FBN1: variants seen among roughly 807,000 people sequenced by gnomAD.
The protein encoded by FBN1 is fibrillin-1.
A neutral mutation model predicts 365.1 loss-of-function variants in FBN1; 29 were observed. That is an observed-to-expected ratio of 0.08 (90% CI 0.06 to 0.11). FBN1 has a LOEUF of 0.11. FBN1 is among the 10% of genes least tolerant of loss of function. The pLI is 1.00. For missense variants in FBN1, 2,476 were observed against 3,703.2 expected, an observed-to-expected ratio of 0.67 and a Z score of 8.60; for synonymous variants, 1,210 against 1,270.5, an observed-to-expected ratio of 0.95 and a Z score of 1.01.
rs2043406174 is a variant in FBN1, at chr15:48,474,704, T to G, written c.3965-54A>C. The G allele has an allele frequency of 5.0e-6, 8 of 1,612,520 alleles. No homozygotes were observed. In the South Asian group the frequency reaches 8.8e-5, roughly 18 times the overall value. On this transcript the variant is annotated intron_variant, in intron 32 of 65. Coordinates refer to ENST00000316623, the MANE Select transcript of FBN1 (RefSeq NM_000138.5). ...AGGCTCAGCACAAATGTCTTTTGGT[T>G]TTTAAAATAAGTAATATTCAAAAGT...
intron 42 of FBN1, among the ~76,000 whole-genome samples, chr15:48,462,322 C>T (rs2043285490): frequency 6.7e-6 from 1 of 149,580 alleles, no homozygotes; most frequent in African/African-American, 2.5e-5. Context: ...ACACTAATGT[C>T]TTTATTTATT....
chr15:48,462,421 G>A (rs1283224837), intron 42 of FBN1, among the ~76,000 whole-genome samples: 1 of 151,694 alleles, frequency 6.6e-6, no homozygotes, highest in Non-Finnish European at 1.5e-5. Context: ...AATTTATCTC[G>A]ATCTCAATAT....
chr15:48,453,290 C>CA (rs748356141), intron 44 of FBN1, among the ~76,000 whole-genome samples: 6,258 of 32,702 alleles, frequency 0.19, 197 homozygotes, highest in Middle Eastern at 0.26. Flanking sequence ...AAAAATAAAA[C>CA]AAACAAAAAA....
At chr15:48,444,363 G>C (rs1038630607) in intron 49 of FBN1, among the ~76,000 whole-genome samples, 178 bp downstream of exon 49, 2 of 152,330 alleles carry the variant, frequency 1.3e-5, no homozygotes, top group Middle Eastern at 3.4e-3. Flanking sequence ...TTAGAGATTA[G>C]CATGATAATT....
At chr15:48,451,099 A>G (rs1485379629) in intron 45 of FBN1, among the ~76,000 whole-genome samples, 1 of 152,238 alleles carries the variant, frequency 6.6e-6, no homozygotes, top group Non-Finnish European at 1.5e-5. Flanking sequence ...ATAGTCTCCT[A>G]CAAGAAAACA....
intron 10 of FBN1, 132 bp downstream of exon 10, chr15:48,520,527 G>C (rs2043842903): frequency 4.8e-6 from 5 of 1,044,804 alleles, no homozygotes; most frequent in Non-Finnish European, 6.9e-6. Flanking sequence ...AATTTCCCTG[G>C]ACGTCATCTC....
chr15:48,470,562 C>G lies in FBN1; in HGVS notation c.4459+72G>C. The G allele has an allele frequency of 5.0e-6, 8 of 1,604,712 alleles. No homozygotes were observed. The South Asian group carries it at 8.8e-5, about 18-fold the overall frequency. On this transcript the variant is annotated intron_variant, in intron 36 of 65. Transcript: ENST00000316623. ...TCTTCTGTGACGGCCCTTGTGTAGT[C>G]CCAGGGAGGCTCCAATAGCTGGGTC...
In FBN1 at chr15:48,444,637, G is replaced by A; in HGVS notation, c.5941C>T (p.Pro1981Ser). ...CAGGTACCTGGTGCACATTTTCTGG[G>A]TTCTAGAAGACATTCATTGATATCT... is the stretch of plus-strand genomic sequence containing the variant. ...CVDINECLLE[P>S]RKCAPGTCQN... Residue 1981 changes from proline to serine, a missense_variant, in exon 49 of 66, where the codon CCC (proline) becomes TCC (serine). Coordinates refer to ENST00000316623, the MANE Select transcript of FBN1 (RefSeq NM_000138.5). The A allele has an allele frequency of 6.2e-7, 1 of 1,613,464 alleles. No individual in the cohort carries two copies. The highest frequency in any genetic ancestry group is 8.5e-7 in the Non-Finnish European group (1 of 1,179,622).
chr15:48,491,871 T>G (rs2043561943), intron 24 of FBN1, among the ~76,000 whole-genome samples: 1 of 152,196 alleles, frequency 6.6e-6, no homozygotes, highest in African/African-American at 2.4e-5. Context: ...CTTGCCACTA[T>G]CACGAGCCCA....
intron 2 of FBN1, 74 bp downstream of exon 2, chr15:48,644,532 G>A: frequency 1.2e-6 from 2 of 1,602,742 alleles, no homozygotes; most frequent in South Asian, 1.1e-5. Flanking sequence ...TCCACAGGGA[G>A]AGTCATCCTG....
At chr15:48,631,485 T>C (rs889027056) in intron 2 of FBN1, among the ~76,000 whole-genome samples, 16 of 152,298 alleles carry the variant, frequency 1.1e-4, no homozygotes, top group African/African-American at 3.4e-4. Flanking sequence ...TGTGTTGTGT[T>C]TGCCCATCCA....
At chr15:48,453,957 TA>T (rs1010621291) in intron 44 of FBN1, among the ~76,000 whole-genome samples, 1 of 151,960 alleles carries the variant, frequency 6.6e-6, no homozygotes. Flanking sequence ...TGCTCACATC[TA>T]AAAAAAAGTC....
At chr15:48,467,352 G>A (rs902569916) in intron 38 of FBN1, among the ~76,000 whole-genome samples, 4 of 152,082 alleles carry the variant, frequency 2.6e-5, no homozygotes, top group African/African-American at 7.2e-5. Context: ...CCCAACATAC[G>A]CTATAAGCAG....
chr15:48,572,610 A>T (rs901448411), intron 6 of FBN1, among the ~76,000 whole-genome samples: 5 of 152,250 alleles, frequency 3.3e-5, no homozygotes, highest in East Asian at 1.9e-4. Flanking sequence ...CGGCATTTTT[A>T]AAAAAATCTT....
intron 63 of FBN1, among the ~76,000 whole-genome samples, chr15:48,417,737 A>G (rs1403022739): frequency 2.6e-5 from 4 of 152,216 alleles, no homozygotes; most frequent in African/African-American, 7.2e-5. Context: ...AGTGTGCAAT[A>G]GAGAGCAACA....
chr15:48,571,067 G>A (rs1289740088), intron 6 of FBN1, among the ~76,000 whole-genome samples: 8 of 152,160 alleles, frequency 5.3e-5, no homozygotes, highest in Non-Finnish European at 1.0e-4. Flanking sequence ...AGAAACCAAG[G>A]GCAATGCACG....
At chr15:48,589,454 G>A (rs970689913) in intron 6 of FBN1, among the ~76,000 whole-genome samples, 6 of 152,094 alleles carry the variant, frequency 3.9e-5, no homozygotes, top group Non-Finnish European at 7.4e-5. Context: ...ACAAAAAAAC[G>A]AGTGTGTGTG....
intron 44 of FBN1, among the ~76,000 whole-genome samples, chr15:48,453,258 A>AAAAC (rs981353643): frequency 4.7e-5 from 7 of 148,394 alleles, no homozygotes; most frequent in African/African-American, 1.5e-4. Flanking sequence ...CTCCAAGTCC[A>AAAAC]AAACAAACAA....
intron 31 of FBN1, among the ~76,000 whole-genome samples, chr15:48,482,363 A>G (rs1486635000): frequency 1.3e-5 from 2 of 152,216 alleles, no homozygotes; most frequent in Non-Finnish European, 2.9e-5. Context: ...GAATAACAGG[A>G]ATTAAAATTA....
Sources: gnomAD v4.1 joint callset for allele counts (sites outside exome capture counted in the v4.1 genomes callset) on GRCh38, gnomAD v4.1.1 for gene constraint, MANE v1.5 for transcripts, NCBI Gene and HGNC (gene_info 2026-07-23, HGNC 2026-07-21) for gene names.